The following PSMA1 variants were observed in gnomAD, a reference collection of about 807,000 sequenced individuals.
PSMA1 encodes the protein proteasome 20S subunit alpha 1.
A neutral mutation model predicts 38.4 loss-of-function variants in PSMA1; 3 were observed. The ratio of observed to expected loss-of-function variants is 0.08; its 90% CI spans 0.04 to 0.20. PSMA1 has a LOEUF of 0.20. Among genes scored for constraint, PSMA1 ranks in the 10% least tolerant of loss-of-function variants. The pLI is 1.00. For missense variants in PSMA1, 227 were observed against 325.3 expected (o/e 0.70, Z 2.32); for synonymous variants, 101 against 107.1 (o/e 0.94, Z 0.35).
At chr11:14,628,827 T>A (rs1852957526) in intron 1 of PSMA1, among the ~76,000 whole-genome samples, 1 of 147,722 alleles carries the variant, frequency 6.8e-6, no homozygotes, top group South Asian at 2.3e-4. Context: ...CTCCAGCACC[T>A]GTTGTTTCCT....
intron 1 of PSMA1, among the ~76,000 whole-genome samples, chr11:14,628,436 G>A (rs1192534431): frequency 3.4e-5 from 5 of 149,050 alleles, no homozygotes; most frequent in Admixed American, 6.7e-5. Context: ...TTGTTCTTGC[G>A]ATAGTTTACT....
intron 1 of PSMA1, among the ~76,000 whole-genome samples, chr11:14,630,300 T>G (rs1238989997): frequency 6.6e-6 from 1 of 152,204 alleles, no homozygotes; most frequent in African/African-American, 2.4e-5. Flanking sequence ...TGGCTGTGGG[T>G]TTCTCATAGA....
At chr11:14,641,598 G>C (rs527856965) in intron 1 of PSMA1, among the ~76,000 whole-genome samples, 138 of 152,314 alleles carry the variant, frequency 9.1e-4, no homozygotes, top group African/African-American at 3.2e-3. Context: ...TGAAAGAGTT[G>C]GGCTTGTAGC....
chr11:14,514,334 C>T (rs1192210412), intron 5 of PSMA1, 69 bp downstream of exon 5: 1 of 1,485,766 alleles, frequency 6.7e-7, no homozygotes, highest in African/African-American at 1.4e-5. Context: ...TATTATATTC[C>T]TAATAATTAA....
intron 2 of PSMA1, among the ~76,000 whole-genome samples, chr11:14,589,411 G>T (rs1852386076): frequency 6.7e-6 from 1 of 149,856 alleles, no homozygotes; most frequent in Non-Finnish European, 1.5e-5. Flanking sequence ...ATATATATAT[G>T]TGTATATATA....
At chr11:14,509,047 T>G (rs889379226) in intron 8 of PSMA1, among the ~76,000 whole-genome samples, 2 of 152,202 alleles carry the variant, frequency 1.3e-5, no homozygotes, top group African/African-American at 2.4e-5. Flanking sequence ...CATTTCTATA[T>G]AAAGACTTCA....
chr11:14,577,464 T>C (rs1200577080), intron 2 of PSMA1, among the ~76,000 whole-genome samples: 2 of 152,170 alleles, frequency 1.3e-5, no homozygotes, highest in Non-Finnish European at 2.9e-5. Context: ...ACTTCCACTG[T>C]CATACTGTGA....
intron 9 of PSMA1, 153 bp downstream of exon 9, chr11:14,507,503 A>G: frequency 1.6e-6 from 1 of 627,306 alleles, no homozygotes; most frequent in Admixed American, 3.1e-5. Context: ...CCCTTTCAAT[A>G]TTTAACTTTA....
In PSMA1 at chr11:14,517,643, A is replaced by G. The variant is rs763816580; in HGVS notation, c.253T>C (p.Cys85Arg). The G allele has an allele frequency of 1.9e-6, 3 of 1,572,112 alleles. No individual in the cohort carries two copies. Among genetic ancestry groups the G allele is most frequent in the Admixed American group, 3.9e-5 (2 of 50,928 alleles). ...TTTATTTTTCATGATTATACTTACC[A>G]TAACAGTCTAGCATCAGCAGTAAGC... ...AGLTADARLL[C>R]NFMRQECLDS... The change falls in exon 4 of 10, where the codon TGT becomes CGT. Residue 85 changes from cysteine to arginine, a missense_variant and splice_region_variant. By Grantham distance (180) the Cys-to-Arg change is radical. Coordinates refer to ENST00000396394, the MANE Select transcript of PSMA1 (RefSeq NM_002786.4).
intron 1 of PSMA1, among the ~76,000 whole-genome samples, chr11:14,624,191 C>T (rs769224513): frequency 7.2e-5 from 11 of 152,282 alleles, no homozygotes; most frequent in Non-Finnish European, 1.3e-4. Context: ...ACAGCTGAAA[C>T]GTCAGCTCAG....
intron 1 of PSMA1, among the ~76,000 whole-genome samples, chr11:14,638,005 C>T (rs1489386207): frequency 6.6e-6 from 1 of 152,170 alleles, no homozygotes; most frequent in Non-Finnish European, 1.5e-5. Flanking sequence ...AACTAATTTA[C>T]ATTTACTAAG....
intron 2 of PSMA1, among the ~76,000 whole-genome samples, chr11:14,581,076 T>C (rs768203954): frequency 1.3e-5 from 2 of 152,264 alleles, no homozygotes; most frequent in Non-Finnish European, 2.9e-5. Context: ...AGAGAACCTT[T>C]AGAAAGTTCC....
rs1252197450 is a variant in PSMA1, at chr11:14,545,559, G to A, written c.22-26518C>T. 2.6e-5 allele frequency among the ~76,000 whole-genome samples: 4 copies of A among 152,270 alleles called. No individual in the cohort carries two copies. The East Asian group carries it at 5.8e-4, about 22-fold the overall frequency. ...TTCCCACTTAGAAGTGAGAACATGCGGTGTTTGGTTTTCTTTTCCTGTGTT... is the reference window on the plus strand; with the variant it reads ...TTCCCACTTAGAAGTGAGAACATGCAGTGTTTGGTTTTCTTTTCCTGTGTT... On this transcript the variant is annotated intron_variant, in intron 2 of 10. Transcript: ENST00000418988.
chr11:14,612,611 C>T (rs1852723399), intron 1 of PSMA1, among the ~76,000 whole-genome samples: 1 of 152,086 alleles, frequency 6.6e-6, no homozygotes, highest in African/African-American at 2.4e-5. Context: ...AAGAAAAATA[C>T]ATAGATGACT....
intron 2 of PSMA1, among the ~76,000 whole-genome samples, chr11:14,542,729 C>A (rs1390043309): frequency 6.6e-6 from 1 of 152,218 alleles, no homozygotes; most frequent in Non-Finnish European, 1.5e-5. Context: ...TTTTACAGGG[C>A]AGGAACCTGA....
At chr11:14,628,941 G>A (rs1167354832) in intron 1 of PSMA1, among the ~76,000 whole-genome samples, 3 of 150,504 alleles carry the variant, frequency 2.0e-5, no homozygotes, top group Non-Finnish European at 4.4e-5. Context: ...TTTTTCATGT[G>A]TTTTTTGGCT....
intron 2 of PSMA1, among the ~76,000 whole-genome samples, chr11:14,566,729 A>G (rs939682793): frequency 6.6e-6 from 1 of 152,200 alleles, no homozygotes; most frequent in South Asian, 2.1e-4. Flanking sequence ...GAGTGAAGCC[A>G]GTATCAGACT....
At chr11:14,604,436 C>T (rs185598444) in intron 2 of PSMA1, among the ~76,000 whole-genome samples, 1 of 152,156 alleles carries the variant, frequency 6.6e-6, no homozygotes, top group Non-Finnish European at 1.5e-5. Flanking sequence ...TCTAGGGCCC[C>T]AATGCAAAGA....
At chr11:14,594,339 C>T (rs1852460005) in intron 2 of PSMA1, among the ~76,000 whole-genome samples, 1 of 150,486 alleles carries the variant, frequency 6.6e-6, no homozygotes, top group Non-Finnish European at 1.5e-5. Flanking sequence ...AGCACTACAA[C>T]AGTGGGAAGT....
Sources: gnomAD v4.1 joint callset for allele counts (sites outside exome capture counted in the v4.1 genomes callset) on GRCh38, gnomAD v4.1.1 for gene constraint, MANE v1.5 for transcripts, NCBI Gene and HGNC (gene_info 2026-07-23, HGNC 2026-07-21) for gene names.